Variants in EXT1 observed in about 807,000 individuals in gnomAD.
The protein encoded by EXT1 is exostosin glycosyltransferase 1, also known as exostosin-1.
Under a neutral mutation model 82.5 loss-of-function variants are expected in EXT1, and 20 were observed. That is an observed-to-expected ratio of 0.24 (90% confidence interval 0.17 to 0.35). The LOEUF is 0.35. EXT1 is among the 10% of genes least tolerant of loss of function. The pLI, the probability that EXT1 is intolerant of heterozygous loss-of-function variation, is 1.00. For missense variants in EXT1, 757 were observed against 936.5 expected, an observed-to-expected ratio of 0.81 and a Z score of 2.50; for synonymous variants, 348 against 350.8, an observed-to-expected ratio of 0.99 and a Z score of 0.09.
chr8:117,801,204 T>C lies in EXT1; in HGVS notation c.2056-1307A>G, dbSNP rs140399454. Among the ~76,000 whole-genome samples, 505 of 152,318 alleles carry C rather than the reference T, an allele frequency of 3.3e-3. 1 individual carries two copies. The highest frequency in any genetic ancestry group is 0.012 in the African/African-American group (482 of 41,574). ...CAGCAGAATAACAAACAAAACACTA[T>C]TTGTAAAGTGTTTTCATGGAGTTCA... On this transcript the variant is annotated intron_variant, in intron 10 of 10. Coordinates refer to ENST00000378204, the MANE Select transcript of EXT1 (RefSeq NM_000127.3).
chr8:118,074,387 T>G (rs891235589), intron 1 of EXT1, among the ~76,000 whole-genome samples: 8 of 151,992 alleles, frequency 5.3e-5, no homozygotes, highest in African/African-American at 2.4e-5. Flanking sequence ...TCCAGCTAAG[T>G]TGCAGGGAAG....
Position 117,845,546 on chromosome 8 carries a change from T to C in EXT1, c.963-8345A>G, listed in dbSNP as rs1812340717. Among the ~76,000 whole-genome samples the C allele has an allele frequency of 5.0e-5, 2 of 39,808 alleles. 1 individual carries two copies. Among genetic ancestry groups the C allele is most frequent in the South Asian group, 2.4e-3 (2 of 838 alleles). The allele number at this position is 39,808 out of a possible 152,430, so 26.1% of individuals were successfully genotyped here. ...AAATAACAGCTCAATGGCTAATATA[T>C]AAAAGTAAGTAAAAAAAAAAAATAA... On this transcript the variant is annotated intron_variant, in intron 1 of 10. Coordinates refer to ENST00000378204, the MANE Select transcript of EXT1 (RefSeq NM_000127.3).
chr8:117,835,521 C>G lies in EXT1; in HGVS notation c.1087G>C (p.Gly363Arg), dbSNP rs763568003. 6.2e-7 allele frequency: 1 copy of G among 1,614,152 alleles called. No homozygotes were observed. The highest frequency in any genetic ancestry group is 1.1e-5 in the South Asian group (1 of 91,080). Residue 363 changes from glycine (G) to arginine (R), a missense_variant, in exon 3 of 11, where the codon GGA (glycine) becomes CGA (arginine). This residue lies in a region of EXT1 where 247 missense variants were observed against 330.1 expected (regional missense o/e 0.75). Transcript: ENST00000378204. ...ACTTCAGAGAATGGCAACTCCCATC[C>G]ATTGCTGAGCATCACAGGGACGCAG... ...AACVPVMLSN[G>R]WELPFSEVIN...
At chr8:117,906,788 A>G (rs1298286686) in intron 1 of EXT1, among the ~76,000 whole-genome samples, 2 of 152,204 alleles carry the variant, frequency 1.3e-5, no homozygotes, top group African/African-American at 4.8e-5. Flanking sequence ...GTTTACACCT[A>G]TTTTAAGGAG....
chr8:118,046,212 C>G (rs1264921019), intron 1 of EXT1, among the ~76,000 whole-genome samples: 1 of 151,948 alleles, frequency 6.6e-6, no homozygotes, highest in Admixed American at 6.6e-5. Context: ...TCACACACCT[C>G]TGTGGCTCCT....
At chr8:118,079,162 T>C (rs1283288744) in intron 1 of EXT1, among the ~76,000 whole-genome samples, 1 of 152,168 alleles carries the variant, frequency 6.6e-6, no homozygotes, top group African/African-American at 2.4e-5. Context: ...TCAAAGTCAA[T>C]TCTGCATAGG....
intron 1 of EXT1, among the ~76,000 whole-genome samples, chr8:117,988,640 C>A (rs928147897): frequency 9.2e-5 from 14 of 152,282 alleles, no homozygotes; most frequent in African/African-American, 3.1e-4. Flanking sequence ...ACCTCCAGCA[C>A]CCTCCCAACC....
At chr8:117,995,717 T>C (rs1563624145) in intron 1 of EXT1, among the ~76,000 whole-genome samples, 1 of 152,206 alleles carries the variant, frequency 6.6e-6, no homozygotes, top group Non-Finnish European at 1.5e-5. Flanking sequence ...TCTTCAAAGA[T>C]GCCCCTATGT....
At chr8:117,916,061 C>T (rs1813743224) in intron 1 of EXT1, among the ~76,000 whole-genome samples, 3 of 152,074 alleles carry the variant, frequency 2.0e-5, no homozygotes, top group African/African-American at 7.2e-5. Flanking sequence ...TTTGGCATTT[C>T]ACTTCTTTTA....
At chr8:117,990,205 C>G (rs10955847) in intron 1 of EXT1, among the ~76,000 whole-genome samples, 1 of 152,012 alleles carries the variant, frequency 6.6e-6, no homozygotes, top group East Asian at 1.9e-4. Flanking sequence ...AGAACCCAGA[C>G]TGGGTCTCCC....
rs554457772 is a variant in EXT1 at position 117,992,250 on chromosome 8, A to G, written c.962+117835T>C. Among the ~76,000 whole-genome samples the G allele has an allele frequency of 4.6e-5, 7 of 152,202 alleles. No homozygotes were observed. In the South Asian group the frequency reaches 1.0e-3, roughly 23 times the overall value. The stretch of plus-strand genomic sequence containing the variant: ...GGTCTCTTAGGAAGAAAAGTATTAC[A>G]TAAGTGCAAAGAAGAATTACTGCCC... On this transcript the variant is annotated intron_variant, in intron 1 of 10. Transcript: ENST00000378204.
chr8:117,826,602 G>C (rs887115266), intron 4 of EXT1, among the ~76,000 whole-genome samples: 2 of 152,092 alleles, frequency 1.3e-5, no homozygotes, highest in African/African-American at 4.8e-5. Context: ...TATTTCCCCT[G>C]ATTTTTTGAT....
intron 1 of EXT1, among the ~76,000 whole-genome samples, chr8:117,896,927 A>G (rs555528035): frequency 3.9e-5 from 6 of 152,142 alleles, no homozygotes; most frequent in African/African-American, 1.4e-4. Flanking sequence ...GCTTCTTGCC[A>G]CCCAGGGTCC....
At chr8:117,809,362 C>A (rs1043351447) in intron 8 of EXT1, among the ~76,000 whole-genome samples, 31 of 151,358 alleles carry the variant, frequency 2.0e-4, no homozygotes, top group African/African-American at 7.5e-4. Context: ...CGGGGCCAGG[C>A]ACAGTGTCTC....
Position 117,795,507 on chromosome 8 carries a change from A to T in EXT1, c.*4205T>A, listed in dbSNP as rs1823077012. 1 of 151,450 alleles carries T rather than the reference A, an allele frequency of 6.6e-6. No individual in the cohort carries two copies. The highest frequency in any genetic ancestry group is 1.5e-5 in the Non-Finnish European group (1 of 67,894). 9.4% of individuals were successfully genotyped at this position (151,450 alleles called of 1,614,324 possible). ...CTTTTTTTTTTTTTTAAAGAAAAAA[A>T]AAAGGGGGGCCAGGCGCAGTGGCTT... On this transcript the variant is annotated 3_prime_UTR_variant, in exon 11 of 11. Transcript: ENST00000378204.
At chr8:117,807,513 A>G (rs1823257547) in intron 8 of EXT1, 136 bp from the exon 9 acceptor site, 2 of 959,042 alleles carry the variant, frequency 2.1e-6, no homozygotes, top group Non-Finnish European at 3.2e-6. Context: ...ATTCATCAGC[A>G]AATTAAACTG....
At chr8:117,884,677 C>T (rs1422743369) in intron 1 of EXT1, among the ~76,000 whole-genome samples, 1 of 151,992 alleles carries the variant, frequency 6.6e-6, no homozygotes, top group Non-Finnish European at 1.5e-5. Flanking sequence ...GTTCATTGCA[C>T]TGAAATGAAA....
chr8:117,980,697 G>GTTTTTTTTTTTTTTTTTTTT lies in EXT1; in HGVS notation c.962+129387_962+129388insAAAAAAAAAAAAAAAAAAAA, dbSNP rs1491146564. ...AAGGTTTGTTTGTTCGGGTGTTGGT[G>GTTTTTTTTTTTTTTTTTTTT]GTTTTTTTTTTTTTTTTTTTTTTTT... On this transcript the variant is annotated intron_variant, in intron 1 of 10. Coordinates refer to ENST00000378204, the MANE Select transcript of EXT1 (RefSeq NM_000127.3). Among the ~76,000 whole-genome samples, 4 of 27,584 alleles carry GTTTTTTTTTTTTTTTTTTTT rather than the reference G, an allele frequency of 1.5e-4. 2 individuals carry two copies. 18.1% of individuals were successfully genotyped at this position (27,584 alleles called of 152,430 possible).
chr8:117,836,318 T>A (rs1163834152), intron 2 of EXT1, among the ~76,000 whole-genome samples: 2 of 152,172 alleles, frequency 1.3e-5, no homozygotes, highest in Admixed American at 1.3e-4. Flanking sequence ...GGAAAAGACA[T>A]TCCAGAGAAG....
Sources: allele counts gnomAD v4.1 joint callset (sites outside exome capture counted in the v4.1 genomes callset), GRCh38; gene constraint gnomAD v4.1.1; regional missense constraint gnomAD v4.1.1; transcripts MANE v1.5; gene names NCBI Gene and HGNC (gene_info 2026-07-23, HGNC 2026-07-21).